TIMELESS: variants seen among roughly 807,000 people sequenced by gnomAD.
The protein encoded by TIMELESS is protein timeless homolog.
In TIMELESS, 124 loss-of-function variants were observed where a neutral mutation model predicts 164.3. The ratio of observed to expected loss-of-function variants is 0.75; its 90% CI spans 0.65 to 0.88. The LOEUF (loss-of-function observed/expected upper bound fraction) is 0.88, where lower values mean the gene tolerates loss of function less well. Ranked by LOEUF, TIMELESS falls within the 40% of genes least tolerant of loss-of-function variation. TIMELESS has a pLI of 0.00. For synonymous variants in TIMELESS, 564 were observed against 563.4 expected (o/e 1.00, Z -0.02); for missense variants, 1,422 against 1,491.4 (o/e 0.95, Z 0.77).
chr12:56,435,052 AC>A (rs1882025921), intron 1 of TIMELESS, among the ~76,000 whole-genome samples: 1 of 151,834 alleles, frequency 6.6e-6, no homozygotes, highest in Non-Finnish European at 1.5e-5. Flanking sequence ...AAATTGCTCA[AC>A]CCTGTCACCC....
intron 15 of TIMELESS, 24 bp from the exon 16 acceptor site, chr12:56,423,918 C>A (rs372956609): frequency 7.2e-5 from 116 of 1,603,066 alleles, no homozygotes; most frequent in African/African-American, 4.2e-4. Context: ...AGAAAAAAGG[C>A]TTTACCCAGG....
In TIMELESS at chr12:56,424,898, T is replaced by C. The variant is rs112327596; in HGVS notation, c.1732A>G (p.Met578Val). 2.5e-3 allele frequency: 4,093 copies of C among 1,614,176 alleles called. 56 individuals are homozygous for C. In the African/African-American group the frequency reaches 0.039, roughly 15 times the overall value. ...GCATCAAAGGGAACCACGGAGTCCA[T>C]GCTGAGCTCAGAATTCTAGAGATGG... ...QCCAQNSELS[M>V]DSVVPFDAAS... Residue 578 changes from methionine to valine, a missense_variant, in exon 15 of 29, where the codon ATG becomes GTG. Physicochemically the swap from Met to Val is conservative, Grantham distance 21. Coordinates refer to ENST00000553532, the MANE Select transcript of TIMELESS (RefSeq NM_003920.5).
At chr12:56,435,534 T>A (rs535787531) in intron 1 of TIMELESS, among the ~76,000 whole-genome samples, 5 of 152,200 alleles carry the variant, frequency 3.3e-5, no homozygotes, top group South Asian at 4.1e-4. Flanking sequence ...TTTTAAAAAA[T>A]TTTTGTAGGC....
chr12:56,442,083 C>CAAAAAAAAAA (rs34126247), intron 1 of TIMELESS, among the ~76,000 whole-genome samples: 2 of 94,370 alleles, frequency 2.1e-5, no homozygotes, highest in Non-Finnish European at 3.9e-5. Context: ...GACTCCGTCT[C>CAAAAAAAAAA]AAAAAAAAAA....
In TIMELESS at chr12:56,433,903, A is replaced by T. The variant is rs376317668; in HGVS notation, c.121T>A (p.Tyr41Asn). 22 of 1,614,158 alleles carry T rather than the reference A, an allele frequency of 1.4e-5. No homozygotes were observed. Among genetic ancestry groups the T allele is most frequent in the Non-Finnish European group, 1.8e-5 (21 of 1,180,020 alleles). Reference sequence around the variant, plus strand: ...CGTGTCTCATCCTCATGCCTCAAATAGCGGATCAGATCCTTCACGCTCTCT... The same window carrying T: ...CGTGTCTCATCCTCATGCCTCAAATTGCGGATCAGATCCTTCACGCTCTCT... ...CLESVKDLIRYLRHEDETRDV... is the reference protein window; with the variant it reads ...CLESVKDLIRNLRHEDETRDV... Residue 41 changes from tyrosine (Y) to asparagine (N), a missense_variant, in exon 3 of 29, where the codon TAT becomes AAT. Physicochemically the swap from Tyr to Asn is moderately radical, Grantham distance 143 (BLOSUM62 -2). Transcript: ENST00000553532.
intron 1 of TIMELESS, among the ~76,000 whole-genome samples, chr12:56,446,652 G>A (rs1331871855): frequency 6.6e-6 from 1 of 152,162 alleles, no homozygotes; most frequent in South Asian, 2.1e-4. Flanking sequence ...CCAACATGGT[G>A]AAACCCTGTC....
chr12:56,447,509 T>C (rs1868377975), intron 1 of TIMELESS, among the ~76,000 whole-genome samples: 1 of 152,046 alleles, frequency 6.6e-6, no homozygotes, highest in Admixed American at 6.5e-5. Context: ...ATGGTGTGAG[T>C]GCAGTGAGAG....
rs781516028 is a variant in TIMELESS at position 56,418,182 on chromosome 12, C to T, written c.3406G>A (p.Ala1136Thr). Residue 1136 changes from alanine (A) to threonine (T), a missense_variant, in exon 27 of 29, where the codon GCC (alanine) becomes ACC (threonine). Physicochemically the swap from Ala to Thr is moderately conservative, Grantham distance 58 (BLOSUM62 0). Transcript: ENST00000553532. ...CKEHRAQALRALLLAHKKKAG... is the reference protein window; with the variant it reads ...CKEHRAQALRTLLLAHKKKAG... ...TTCTTCTTGTGGGCTAGCAAGAGGGCCCTCAGGGCTTGTGCTCGGTGCTCT... is the reference window on the plus strand; with the variant it reads ...TTCTTCTTGTGGGCTAGCAAGAGGGTCCTCAGGGCTTGTGCTCGGTGCTCT... 3 of 1,614,118 alleles carry T rather than the reference C, an allele frequency of 1.9e-6. No individual in the cohort carries two copies. The African/African-American group carries it at 4.0e-5, about 22-fold the overall frequency.
At position 56,433,837 on chromosome 12, in the gene TIMELESS, T is replaced by A. The variant is rs1477604728; in HGVS notation, c.187A>T (p.Ser63Cys). The A allele has an allele frequency of 4.3e-6, 7 of 1,613,966 alleles. No homozygotes were observed. Residue 63 changes from serine (S) to cysteine (C), a missense_variant, in exon 3 of 29, where the codon AGC becomes TGC. Transcript: ENST00000553532. The part of the protein sequence containing the change: ...QQLGAAQILQ[S>C]DLLPILTQHH... ...TGGGTGAGGATGGGCAGAAGGTCGC[T>A]CTGTAGGATCTGGGCTGCCCCCAGC...
intron 1 of TIMELESS, among the ~76,000 whole-genome samples, chr12:56,442,955 C>CT (rs1868297767): frequency 6.6e-6 from 1 of 152,220 alleles, no homozygotes; most frequent in African/African-American, 2.4e-5. Flanking sequence ...CTATGCCTGT[C>CT]TTTAATCTCT....
At chr12:56,427,897 C>T (rs1187491925) in intron 13 of TIMELESS, among the ~76,000 whole-genome samples, 1 of 152,188 alleles carries the variant, frequency 6.6e-6, no homozygotes, top group East Asian at 1.9e-4. Context: ...CTCTTTCCAC[C>T]TCACCACAAT....
intron 1 of TIMELESS, among the ~76,000 whole-genome samples, chr12:56,448,140 T>C (rs1487212865): frequency 2.0e-5 from 3 of 152,092 alleles, no homozygotes; most frequent in African/African-American, 7.2e-5. Flanking sequence ...GTGTGGTGGC[T>C]CACACCCGTA....
Position 56,430,932 on chromosome 12 carries a change from C to T in TIMELESS, c.858G>A (p.Gly286=). ...GGTCCCTCTCCCCAATGGATTTCAA[C>T]CCCTGGACAATATAGGAGCCCCCAA... ...SRFGGSYIVQ[G]LKSIGERDLI... Residue 286 remains glycine (G), a synonymous_variant, in exon 9 of 29, where the codon GGG becomes GGA. Coordinates refer to ENST00000553532, the MANE Select transcript of TIMELESS (RefSeq NM_003920.5). 15 of 1,605,470 alleles carry T rather than the reference C, an allele frequency of 9.3e-6. No homozygotes were observed. The highest frequency in any genetic ancestry group is 1.3e-5 in the Non-Finnish European group (15 of 1,176,432).
intron 26 of TIMELESS, among the ~76,000 whole-genome samples, chr12:56,420,299 AG>A (rs898467571): frequency 6.6e-6 from 1 of 151,882 alleles, no homozygotes; most frequent in African/African-American, 2.4e-5. Context: ...TCAGACACTA[AG>A]GGACAACTGT....
intron 6 of TIMELESS, 85 bp from the exon 7 acceptor site, chr12:56,432,609 A>G: frequency 6.5e-7 from 1 of 1,535,786 alleles, no homozygotes; most frequent in Admixed American, 1.8e-5. Flanking sequence ...TTCTTTGACC[A>G]AGCCTCCTCT....
intron 1 of TIMELESS, among the ~76,000 whole-genome samples, chr12:56,437,469 C>T (rs184415704): frequency 6.6e-6 from 1 of 151,440 alleles, no homozygotes; most frequent in African/African-American, 2.4e-5. Flanking sequence ...AGGCTGGCAC[C>T]CAGGAGTGCA....
chr12:56,424,626 G>A (rs868386419), intron 15 of TIMELESS, 136 bp downstream of exon 15: 17 of 991,414 alleles, frequency 1.7e-5, no homozygotes, highest in Non-Finnish European at 2.2e-5. Context: ...CAATCAAAAC[G>A]CCCCAGGAGT....
chr12:56,430,797 C>G (rs1881850253), intron 9 of TIMELESS, 84 bp downstream of exon 9: 1 of 923,930 alleles, frequency 1.1e-6, no homozygotes, highest in African/African-American at 1.7e-5. Flanking sequence ...AGCCACCAGG[C>G]ACAGCCAAGA....
chr12:56,428,496 T>C, intron 12 of TIMELESS, 53 bp downstream of exon 12: 1 of 1,606,766 alleles, frequency 6.2e-7, no homozygotes, highest in Non-Finnish European at 8.5e-7. Context: ...AAGAATGAGA[T>C]TCTCATCACG....
Sources: gnomAD v4.1 joint callset for allele counts (sites outside exome capture counted in the v4.1 genomes callset) on GRCh38, gnomAD v4.1.1 for gene constraint, MANE v1.5 for transcripts, NCBI Gene and HGNC (gene_info 2026-07-23, HGNC 2026-07-21) for gene names.